Variants in KLHL2 observed in about 807,000 individuals in gnomAD.
KLHL2 encodes kelch like family member 2, also known as kelch-like protein 2.
Under a neutral mutation model 75.8 loss-of-function variants are expected in KLHL2, and 15 were observed. The ratio of observed to expected loss-of-function variants is 0.20; its 90% confidence interval spans 0.13 to 0.30. The LOEUF (loss-of-function observed/expected upper bound fraction) is 0.30. Among genes scored for constraint, KLHL2 ranks in the 10% least tolerant of loss-of-function variants. The pLI is 1.00. For synonymous variants in KLHL2, 214 were observed against 251.9 expected (o/e 0.85, Z 1.42); for missense variants, 381 against 741.0 (o/e 0.51, Z 5.64).
chr4:165,271,345 C>T (rs1348803931), intron 5 of KLHL2, among the ~76,000 whole-genome samples: 2 of 152,040 alleles, frequency 1.3e-5, no homozygotes, highest in African/African-American at 4.8e-5. Flanking sequence ...TTTTGTAGTT[C>T]TCCTTGTAGA....
chr4:165,283,265 TCTTAA>T (rs1166581202), intron 5 of KLHL2, among the ~76,000 whole-genome samples: 1 of 152,096 alleles, frequency 6.6e-6, no homozygotes, highest in African/African-American at 2.4e-5. Flanking sequence ...TCCCCCAAAG[TCTTAA>T]CTTATTTCAG....
intron 13 of KLHL2, among the ~76,000 whole-genome samples, chr4:165,315,056 C>T (rs570587838): frequency 2.0e-5 from 3 of 152,188 alleles, no homozygotes; most frequent in East Asian, 1.9e-4. Flanking sequence ...TGGCCTTGCA[C>T]GTCATCTAGT....
intron 1 of KLHL2, among the ~76,000 whole-genome samples, chr4:165,208,104 C>T (rs939546568): frequency 1.3e-5 from 2 of 151,960 alleles, no homozygotes; most frequent in Non-Finnish European, 2.9e-5. Context: ...ACTTAAAACG[C>T]TGCCCAGGAT....
At chr4:165,268,759 C>T (rs1455220016) in intron 5 of KLHL2, among the ~76,000 whole-genome samples, 1 of 152,144 alleles carries the variant, frequency 6.6e-6, no homozygotes, top group African/African-American at 2.4e-5. Flanking sequence ...AGAATAAGTG[C>T]AATGTGGTGC....
At chr4:165,254,855 A>G (rs1373228798) in intron 4 of KLHL2, among the ~76,000 whole-genome samples, 1 of 152,222 alleles carries the variant, frequency 6.6e-6, no homozygotes, top group Non-Finnish European at 1.5e-5. Flanking sequence ...AGCTACCTAT[A>G]TTGTGAATGA....
chr4:165,256,451 G>A (rs1430421388), intron 4 of KLHL2, among the ~76,000 whole-genome samples: 9 of 152,168 alleles, frequency 5.9e-5, no homozygotes, highest in Non-Finnish European at 1.2e-4. Context: ...AGAGTAACGT[G>A]TAGAGCCTGG....
intron 14 of KLHL2, among the ~76,000 whole-genome samples, chr4:165,320,739 A>C (rs1746911848): frequency 1.3e-5 from 2 of 152,360 alleles, no homozygotes; most frequent in South Asian, 4.1e-4. Flanking sequence ...GCTGGAAAAA[A>C]ACTGTGTTCA....
At chr4:165,264,716 A>G (rs1277861166) in intron 5 of KLHL2, among the ~76,000 whole-genome samples, 998 of 77,396 alleles carry the variant, frequency 0.013, 14 homozygotes, top group African/African-American at 0.045. Flanking sequence ...ATATATATAT[A>G]TATACATATA....
chr4:165,263,059 A>G (rs1579068335), intron 4 of KLHL2, 138 bp from the exon 5 acceptor site: 1 of 644,250 alleles, frequency 1.6e-6, no homozygotes. Flanking sequence ...TAATTTTTAT[A>G]TTTGTTTTCT....
Position 165,226,955 on chromosome 4 carries a change from C to A in KLHL2, c.153-1852C>A, listed in dbSNP as rs1738490251. On this transcript the variant is annotated intron_variant, in intron 2 of 14. Transcript: ENST00000226725. ...ATACCTTATAACATTGTGGTGGGCACTAAATGAAATAATACATGCAGGTAA... is the reference window on the plus strand; with the variant it reads ...ATACCTTATAACATTGTGGTGGGCAATAAATGAAATAATACATGCAGGTAA... Among the ~76,000 whole-genome samples, 4 of 152,188 alleles carry A rather than the reference C, an allele frequency of 2.6e-5. No homozygotes were observed. In the South Asian group the frequency reaches 8.3e-4, roughly 32 times the overall value.
intron 12 of KLHL2, 122 bp from the exon 13 acceptor site, chr4:165,313,904 A>C (rs1746403668): frequency 1.1e-6 from 1 of 900,398 alleles, no homozygotes; most frequent in Non-Finnish European, 1.7e-6. Context: ...CTATAGTATC[A>C]GCTTGCTTTT....
chr4:165,214,423 G>C (rs1439976168), intron 1 of KLHL2, among the ~76,000 whole-genome samples: 1 of 152,112 alleles, frequency 6.6e-6, no homozygotes, highest in East Asian at 1.9e-4. Context: ...TCCTTTTCCT[G>C]GTAATAGTCA....
intron 13 of KLHL2, among the ~76,000 whole-genome samples, chr4:165,317,576 G>A (rs923624207): frequency 1.3e-5 from 2 of 152,210 alleles, no homozygotes; most frequent in African/African-American, 4.8e-5. Context: ...TGTTGCCCAG[G>A]CTCATCTCGA....
intron 5 of KLHL2, among the ~76,000 whole-genome samples, chr4:165,272,388 A>G (rs1742765355): frequency 6.6e-6 from 1 of 152,146 alleles, no homozygotes; most frequent in South Asian, 2.1e-4. Flanking sequence ...TAAGTAGAAA[A>G]TATTACTTCT....
At chr4:165,311,904 T>TAA (rs1277808887) in intron 11 of KLHL2, among the ~76,000 whole-genome samples, 2 of 151,818 alleles carry the variant, frequency 1.3e-5, no homozygotes, top group Non-Finnish European at 2.9e-5. Context: ...TTGACTTATA[T>TAA]AACAGCAGTC....
At chr4:165,285,489 C>CGGGT (rs1744022475) in intron 5 of KLHL2, among the ~76,000 whole-genome samples, 1 of 152,198 alleles carries the variant, frequency 6.6e-6, no homozygotes, top group Non-Finnish European at 1.5e-5. Flanking sequence ...TCACTGCAAC[C>CGGGT]TCTGCCTCCT....
chr4:165,241,784 C>T (rs1739837117), intron 4 of KLHL2, among the ~76,000 whole-genome samples: 1 of 152,118 alleles, frequency 6.6e-6, no homozygotes, highest in Admixed American at 6.5e-5. Context: ...TCCATGATAC[C>T]ATATGGTCTC....
At chr4:165,308,333 G>C (rs992162142) in intron 9 of KLHL2, among the ~76,000 whole-genome samples, 11 of 152,034 alleles carry the variant, frequency 7.2e-5, no homozygotes, top group African/African-American at 2.7e-4. Flanking sequence ...TAAGTCATTT[G>C]ACTCATTTTA....
At chr4:165,263,126 T>C in intron 4 of KLHL2, 71 bp from the exon 5 acceptor site, 1 of 1,421,536 alleles carries the variant, frequency 7.0e-7, no homozygotes, top group Non-Finnish European at 9.8e-7. Flanking sequence ...TCTTGTGTCC[T>C]ATGTAGAAGT....
Sources: allele counts gnomAD v4.1 joint callset (sites outside exome capture counted in the v4.1 genomes callset), GRCh38; gene constraint gnomAD v4.1.1; transcripts MANE v1.5; gene names NCBI Gene and HGNC (gene_info 2026-07-23, HGNC 2026-07-21).